TVP23A: variants seen among roughly 807,000 people sequenced by gnomAD.
The protein encoded by TVP23A is Golgi apparatus membrane protein TVP23 homolog A.
In TVP23A, 21 loss-of-function variants were observed where a neutral mutation model predicts 31.7. The observed-to-expected ratio is 0.66, with a 90% CI of 0.47 to 0.95. The LOEUF is 0.95. Among genes scored for constraint, TVP23A ranks in the 40% least tolerant of loss-of-function variants. The pLI, the probability that TVP23A is intolerant of heterozygous loss-of-function variation, is 0.00. For missense variants in TVP23A, 279 were observed against 255.6 expected, an observed-to-expected ratio of 1.09 and a Z score of -0.62; for synonymous variants, 104 against 96.0, an observed-to-expected ratio of 1.08 and a Z score of -0.49.
At chr16:10,758,317 T>G (rs1084546), downstream of TVP23A, among the ~76,000 whole-genome samples, 32,068 of 151,942 alleles carry the variant, frequency 0.21, 4,275 homozygotes, top group South Asian at 0.34. Flanking sequence ...CAAAAAATAT[T>G]TTAAAATTAG....
chr16:10,813,230 C>T (rs116866467), intron 2 of TVP23A, among the ~76,000 whole-genome samples: 3,319 of 152,268 alleles, frequency 0.022, 58 homozygotes, highest in Non-Finnish European at 0.033. Flanking sequence ...CCCATTTTAC[C>T]GACTGGCCAA....
chr16:10,779,813 G>C lies in TVP23A; in HGVS notation c.90-4717C>G, dbSNP rs1277806863. ...CATCTAAAATAAGTGATTGGCCGGG[G>C]GCGGTGGCTCACGCCTGTAATCCCC... is the stretch of plus-strand genomic sequence containing the variant. On this transcript the variant is annotated intron_variant, in intron 2 of 7. Transcript: ENST00000299866. The surrounding 1 kb of genome is among the most constrained non-coding windows in gnomAD (Gnocchi z 4.9). Among the ~76,000 whole-genome samples, 1 of 152,172 alleles carries C rather than the reference G, an allele frequency of 6.6e-6. No homozygotes were observed. The highest frequency in any genetic ancestry group is 2.4e-5 in the African/African-American group (1 of 41,446).
chr16:10,777,582 C>A lies in TVP23A; in HGVS notation c.90-2486G>T, dbSNP rs2032126361. ...GGGAATGTTAAGATTCAGAAGCAGA[C>A]TTCACAGTGACTTTTTTGCGTAGCA... On this transcript the variant is annotated intron_variant, in intron 2 of 7. Transcript: ENST00000299866. This position sits in a 1 kb window ranked among gnomAD's most constrained non-coding sequence, Gnocchi z 4.5. Among the ~76,000 whole-genome samples, 1 of 142,694 alleles carries A rather than the reference C, an allele frequency of 7.0e-6. No individual in the cohort carries two copies. Among genetic ancestry groups the A allele is most frequent in the Non-Finnish European group, 1.5e-5 (1 of 64,944 alleles). The allele number at this position is 142,694 out of a possible 152,430, so 93.6% of individuals were successfully genotyped here. A position where few individuals can be genotyped will look rare whatever the true frequency, so the allele number is the denominator to read the frequency against.
At chr16:10,785,881 C>A (rs1473614918) in intron 2 of TVP23A, among the ~76,000 whole-genome samples, 1 of 152,192 alleles carries the variant, frequency 6.6e-6, no homozygotes, top group Non-Finnish European at 1.5e-5. Context: ...TGTCTCTTCT[C>A]ATTCCTTTGT....
downstream of TVP23A, among the ~76,000 whole-genome samples, chr16:10,764,088 GGGAGTATCTCAGCCCACA>G (rs372557317): frequency 2.2e-4 from 34 of 151,530 alleles, no homozygotes; most frequent in African/African-American, 7.5e-4. Flanking sequence ...CCCAGCCCAA[GGGAGTATCTCAGCCCACA>G]GGAGTATCTC....
chr16:10,813,744 G>A (rs775749730), intron 2 of TVP23A, among the ~76,000 whole-genome samples: 2 of 151,962 alleles, frequency 1.3e-5, no homozygotes, highest in African/African-American at 4.8e-5. Context: ...GGTGGCTCAC[G>A]CCTGTAATCC....
intron 2 of TVP23A, among the ~76,000 whole-genome samples, chr16:10,805,338 G>C (rs1272405830): frequency 6.6e-6 from 1 of 151,858 alleles, no homozygotes; most frequent in African/African-American, 2.4e-5. Context: ...AGCCTAATGT[G>C]ATCTTTTCTA....
chr16:10,808,005 G>A (rs2034023050), intron 2 of TVP23A, among the ~76,000 whole-genome samples: 1 of 152,192 alleles, frequency 6.6e-6, no homozygotes, highest in Non-Finnish European at 1.5e-5. Flanking sequence ...ATGCCACCGT[G>A]TCAGGCTCAA....
chr16:10,788,031 C>T (rs1190713352), intron 2 of TVP23A, among the ~76,000 whole-genome samples: 1 of 152,024 alleles, frequency 6.6e-6, no homozygotes, highest in Non-Finnish European at 1.5e-5. Context: ...AGAACATGTG[C>T]CCAAGGTTGT....
intron 2 of TVP23A, among the ~76,000 whole-genome samples, chr16:10,784,673 G>C (rs1300094777): frequency 1.3e-5 from 2 of 152,080 alleles, no homozygotes; most frequent in Non-Finnish European, 2.9e-5. Flanking sequence ...ATAATGTATT[G>C]GTTCATCAAG....
At chr16:10,787,245 A>G (rs1309803425) in intron 2 of TVP23A, among the ~76,000 whole-genome samples, 1 of 151,810 alleles carries the variant, frequency 6.6e-6, no homozygotes, top group Non-Finnish European at 1.5e-5. Context: ...GCAGATAGTG[A>G]GGATATGAGA....
chr16:10,771,377 CA>C (rs76284004), intron 6 of TVP23A, among the ~76,000 whole-genome samples: 16 of 144,242 alleles, frequency 1.1e-4, no homozygotes, highest in African/African-American at 1.8e-4. Flanking sequence ...TTCGTCTCTA[CA>C]AAAAAAAAAG....
intron 2 of TVP23A, among the ~76,000 whole-genome samples, chr16:10,800,008 CTTTT>C (rs76396691): frequency 7.0e-5 from 4 of 57,412 alleles, no homozygotes; most frequent in African/African-American, 2.8e-4. Flanking sequence ...GAGTGGGGTT[CTTTT>C]TTTTTTTTTT....
chr16:10,782,418 A>G (rs1472928166), intron 2 of TVP23A, among the ~76,000 whole-genome samples: 6 of 152,046 alleles, frequency 3.9e-5, no homozygotes, highest in African/African-American at 1.4e-4. Context: ...GTCTTGGTAA[A>G]TTCTTCTTAA....
downstream of TVP23A, among the ~76,000 whole-genome samples, chr16:10,764,043 C>CCAGCCCAAAGGAGCATCT (rs2030448187): frequency 6.6e-6 from 1 of 151,122 alleles, no homozygotes; most frequent in Non-Finnish European, 1.5e-5. Flanking sequence ...TGGGAGCATC[C>CCAGCCCAAAGGAGCATCT]CAGCCCAAAG....
chr16:10,778,031 A>G (rs1353166026), intron 2 of TVP23A, among the ~76,000 whole-genome samples: 2 of 151,388 alleles, frequency 1.3e-5, no homozygotes, highest in Non-Finnish European at 2.9e-5. Flanking sequence ...AAATAAAAAT[A>G]AAAGAAGAAT....
In TVP23A at chr16:10,777,981, A is replaced by T. The variant is rs4359432; in HGVS notation, c.90-2885T>A. On this transcript the variant is annotated intron_variant, in intron 2 of 7. Coordinates refer to ENST00000299866, the MANE Select transcript of TVP23A (RefSeq NM_001079512.4). This position sits in a 1 kb window ranked among gnomAD's most constrained non-coding sequence, Gnocchi z 4.5. ...AGTTGAGATCGTACTACTGCACTCC[A>T]GCCTGGTGACAGAGCGAGACTCCGT... Among the ~76,000 whole-genome samples, 4 of 151,856 alleles carry T rather than the reference A, an allele frequency of 2.6e-5. No individual in the cohort carries two copies. Among genetic ancestry groups the T allele is most frequent in the Non-Finnish European group, 4.4e-5 (3 of 67,992 alleles).
chr16:10,815,544 T>A (rs1480640943), intron 2 of TVP23A, among the ~76,000 whole-genome samples: 3 of 152,242 alleles, frequency 2.0e-5, no homozygotes, highest in Non-Finnish European at 4.4e-5. Flanking sequence ...TGGCAATGCC[T>A]GAGACTTTAT....
chr16:10,797,662 G>A (rs1411063796), intron 2 of TVP23A, among the ~76,000 whole-genome samples: 2 of 152,000 alleles, frequency 1.3e-5, no homozygotes, highest in African/African-American at 4.8e-5. Flanking sequence ...GGAGGTTGCA[G>A]TGAGCTAAGA....
Sources: gnomAD v4.1 joint callset for allele counts (sites outside exome capture counted in the v4.1 genomes callset) on GRCh38, gnomAD v4.1.1 for gene constraint, Gnocchi (gnomAD v3.1) non-coding constraint, MANE v1.5 for transcripts, NCBI Gene and HGNC (gene_info 2026-07-23, HGNC 2026-07-21) for gene names.